The following ESYT2 variants were observed in gnomAD, a reference collection of about 807,000 sequenced individuals.
ESYT2 encodes extended synaptotagmin 2.
Under a neutral mutation model 107.2 loss-of-function variants are expected in ESYT2, and 54 were observed. The observed-to-expected ratio is 0.50, with a 90% CI of 0.40 to 0.63. ESYT2 has a LOEUF of 0.63. Among genes scored for constraint, ESYT2 ranks in the 30% least tolerant of loss-of-function variants. The pLI is 0.00. For synonymous variants in ESYT2, 491 were observed against 434.1 expected (o/e 1.13, Z -1.63); for missense variants, 1,020 against 1,094.5 (o/e 0.93, Z 0.96).
At chr7:158,741,294 A>G (rs34277519) in intron 18 of ESYT2, among the ~76,000 whole-genome samples, 1 of 152,088 alleles carries the variant, frequency 6.6e-6, no homozygotes, top group African/African-American at 2.4e-5. Flanking sequence ...ATCACGTTCT[A>G]ATCTTTAATG....
intron 6 of ESYT2, among the ~76,000 whole-genome samples, chr7:158,782,656 TAAA>T (rs1265646949): frequency 6.7e-6 from 1 of 149,622 alleles, no homozygotes; most frequent in African/African-American, 2.5e-5. Flanking sequence ...AAAGAAGTAT[TAAA>T]GAACAAGTGT....
At chr7:158,781,429 GAAGTGT>G (rs1010176467) in intron 6 of ESYT2, among the ~76,000 whole-genome samples, 7 of 54,690 alleles carry the variant, frequency 1.3e-4, no homozygotes, top group Admixed American at 3.6e-4. Flanking sequence ...GAACGAGTGA[GAAGTGT>G]GAGTGTGAAC....
chr7:158,737,360 A>G (rs1011907144), intron 19 of ESYT2, among the ~76,000 whole-genome samples, 181 bp from the exon 20 acceptor site: 2 of 152,026 alleles, frequency 1.3e-5, no homozygotes, highest in Admixed American at 6.6e-5. Flanking sequence ...GCATCTCCCA[A>G]ACTCCTTTCT....
At position 158,799,031 on chromosome 7, in the gene ESYT2, C is replaced by G. The variant is rs749126246; in HGVS notation, c.372G>C (p.Lys124Asn). 1 of 1,613,306 alleles carries G rather than the reference C, an allele frequency of 6.2e-7. No homozygotes were observed. The highest frequency in any genetic ancestry group is 1.1e-5 in the South Asian group (1 of 91,024). The stretch of plus-strand genomic sequence containing the variant: ...GGTAGTTGGTATACTCTAATCTTAC[C>G]TTATTTAGCCATTCTGCTCTTTCAG... The part of the protein sequence containing the change: ...PDTERAEWLN[K>N]TVKHMWPFIC... Residue 124 changes from lysine (K) to asparagine (N), a missense_variant and splice_region_variant, in exon 2 of 23, where the codon AAG becomes AAC. Coordinates refer to ENST00000275418, the MANE Select transcript of ESYT2 (RefSeq NM_001367773.1).
chr7:158,815,121 A>G (rs1251281196), intron 1 of ESYT2, among the ~76,000 whole-genome samples: 1 of 152,208 alleles, frequency 6.6e-6, no homozygotes, highest in Non-Finnish European at 1.5e-5. Flanking sequence ...ATGAGTGCTA[A>G]GCACATTCAC....
intron 6 of ESYT2, among the ~76,000 whole-genome samples, chr7:158,781,905 GAAC>G (rs1363273731): frequency 2.6e-5 from 4 of 151,270 alleles, no homozygotes; most frequent in African/African-American, 9.7e-5. Context: ...AAGTGTGAGT[GAAC>G]GACAGAACAA....
At chr7:158,821,523 A>G (rs751698499) in intron 1 of ESYT2, among the ~76,000 whole-genome samples, 2 of 152,192 alleles carry the variant, frequency 1.3e-5, no homozygotes, top group Non-Finnish European at 2.9e-5. Context: ...CACCCCCATC[A>G]TGTCCAAACT....
rs1436557687 is a variant in ESYT2, at chr7:158,814,304, T to A, written c.330+14785A>T. Among the ~76,000 whole-genome samples the A allele has an allele frequency of 2.4e-3, 9 of 3,768 alleles. 3 individuals are homozygous for A. The highest frequency in any genetic ancestry group is 5.3e-3 in the East Asian group (2 of 376). The allele number at this position is 3,768 out of a possible 152,430, so 2.5% of individuals were successfully genotyped here. A position where few individuals can be genotyped will look rare whatever the true frequency, so the allele number is the denominator to read the frequency against. ...AAAAAAAATTATATATATATATATA[T>A]ATATATATATATATATATATATATA... On this transcript the variant is annotated intron_variant, in intron 1 of 22. Transcript: ENST00000275418.
At chr7:158,761,125 C>T (rs1174989281) in intron 11 of ESYT2, among the ~76,000 whole-genome samples, 1 of 152,168 alleles carries the variant, frequency 6.6e-6, no homozygotes, top group Non-Finnish European at 1.5e-5. Context: ...CGCACTGTGC[C>T]TTCTCCACCA....
intron 13 of ESYT2, among the ~76,000 whole-genome samples, chr7:158,758,669 A>G (rs1168706024): frequency 6.6e-6 from 1 of 152,196 alleles, no homozygotes; most frequent in Non-Finnish European, 1.5e-5. Flanking sequence ...GGCTGTGGAC[A>G]CGATGAAATA....
Position 158,829,179 on chromosome 7 carries a change from C to CT in ESYT2, c.239dup (p.Ala81GlyfsTer37). 6.5e-7 allele frequency: 1 copy of CT among 1,540,920 alleles called. No homozygotes were observed. Among genetic ancestry groups the CT allele is most frequent in the Middle Eastern group, 1.8e-4 (1 of 5,564 alleles). On this transcript the variant is annotated frameshift_variant, in exon 1 of 23. Transcript: ENST00000275418. LOFTEE classifies it high-confidence loss of function. The stretch of plus-strand genomic sequence containing the variant: ...CCAGCGCGCGGCACAGGCGCAGGGC[C>CT]TTGAGGCCGCGGCTGCGGCGACACC...
intron 20 of ESYT2, among the ~76,000 whole-genome samples, chr7:158,736,607 A>ATTG (rs1272395080): frequency 2.2e-5 from 2 of 89,008 alleles, no homozygotes; most frequent in African/African-American, 1.2e-4. Context: ...CATTCTTTTC[A>ATTG]TTATGTTTTT....
chr7:158,819,884 A>C (rs1840243829), intron 1 of ESYT2, among the ~76,000 whole-genome samples: 1 of 152,196 alleles, frequency 6.6e-6, no homozygotes. Context: ...CAAGTAATAA[A>C]GAAAGCATAA....
chr7:158,739,151 T>C, intron 18 of ESYT2, 30 bp from the exon 19 acceptor site: 1 of 1,589,518 alleles, frequency 6.3e-7, no homozygotes, highest in South Asian at 1.1e-5. Flanking sequence ...AGTCACCAGC[T>C]TGCCTGAGAC....
chr7:158,801,497 A>G (rs1218926078), intron 1 of ESYT2, among the ~76,000 whole-genome samples: 3 of 152,248 alleles, frequency 2.0e-5, no homozygotes, highest in African/African-American at 7.2e-5. Context: ...ATATTCATAA[A>G]CATTTGCTTA....
intron 1 of ESYT2, among the ~76,000 whole-genome samples, chr7:158,825,654 CTCAG>C (rs372531884): frequency 2.6e-5 from 4 of 152,300 alleles, no homozygotes; most frequent in African/African-American, 9.6e-5. Flanking sequence ...TCAGTTTTTA[CTCAG>C]TAAGAAGAAA....
intron 14 of ESYT2, 53 bp from the exon 15 acceptor site, chr7:158,749,776 G>A (rs1367501927): frequency 6.5e-7 from 1 of 1,527,410 alleles, no homozygotes; most frequent in East Asian, 2.3e-5. Flanking sequence ...TTTTAAATGG[G>A]TCTTAACTAA....
intron 17 of ESYT2, 99 bp downstream of exon 17, chr7:158,743,430 G>A (rs1406716920): frequency 6.7e-6 from 10 of 1,481,584 alleles, no homozygotes; most frequent in Non-Finnish European, 9.1e-6. Flanking sequence ...AGCCGACACA[G>A]AGCTTTCTTC....
intron 16 of ESYT2, 56 bp from the exon 17 acceptor site, chr7:158,743,734 T>C (rs766575011): frequency 1.3e-6 from 2 of 1,550,640 alleles, no homozygotes; most frequent in Non-Finnish European, 1.7e-6. Flanking sequence ...TGCAGAACCT[T>C]TCTACGTTGT....
Sources: gnomAD v4.1 joint callset for allele counts (sites outside exome capture counted in the v4.1 genomes callset) on GRCh38, gnomAD v4.1.1 for gene constraint, MANE v1.5 for transcripts, NCBI Gene and HGNC (gene_info 2026-07-23, HGNC 2026-07-21) for gene names.